The following DKK3 variants were observed in gnomAD, a reference collection of about 807,000 sequenced individuals.
DKK3 encodes the protein dickkopf-related protein 3.
Under a neutral mutation model 33.2 loss-of-function variants are expected in DKK3, and 22 were observed. That is an observed-to-expected ratio of 0.66 (90% CI 0.47 to 0.95). The LOEUF is 0.95. Among genes scored for constraint, DKK3 ranks in the 40% least tolerant of loss-of-function variants. DKK3 has a pLI of 0.00. For missense variants in DKK3, 398 were observed against 458.4 expected, an observed-to-expected ratio of 0.87 and a Z score of 1.20; for synonymous variants, 194 against 188.8, an observed-to-expected ratio of 1.03 and a Z score of -0.23.
At chr11:11,988,562 T>A (rs1848119408) in intron 3 of DKK3, among the ~76,000 whole-genome samples, 2 of 152,058 alleles carry the variant, frequency 1.3e-5, no homozygotes, top group Non-Finnish European at 2.9e-5. Context: ...TAAACAACCA[T>A]CATCACCACA....
upstream of DKK3, chr11:12,008,702 C>T (rs1178951152): frequency 3.4e-6 from 4 of 1,183,954 alleles, no homozygotes; most frequent in Admixed American, 9.5e-5. This position sits in a 1 kb window ranked among gnomAD's most constrained non-coding sequence, Gnocchi z 4.6. Context: ...CCGCCCCTGG[C>T]GCCCCTCTTT....
Position 11,967,357 on chromosome 11 carries a change from A to G in DKK3, c.529-259T>C, listed in dbSNP as rs149144993. On this transcript the variant is annotated intron_variant, in intron 4 of 6. Coordinates refer to ENST00000683431, the MANE Select transcript of DKK3 (RefSeq NM_001018057.2). ...CTTTCTCCACAGCTTAAGATTTTGCAAAGAACAGCAGGGGGTCTTTGTGGT... is the reference window on the plus strand; with the variant it reads ...CTTTCTCCACAGCTTAAGATTTTGCGAAGAACAGCAGGGGGTCTTTGTGGT... 5.9e-5 allele frequency among the ~76,000 whole-genome samples: 9 copies of G among 152,350 alleles called. No homozygotes were observed. In the East Asian group the frequency reaches 1.7e-3, roughly 29 times the overall value.
At chr11:11,970,277 A>G (rs962420658) in intron 3 of DKK3, among the ~76,000 whole-genome samples, 7 of 152,198 alleles carry the variant, frequency 4.6e-5, no homozygotes, top group African/African-American at 1.7e-4. Context: ...TCAATTGGAA[A>G]AAGAGAGAGA....
At position 11,968,353 on chromosome 11, in the gene DKK3, G is replaced by A. The variant is rs769205777; in HGVS notation, c.528+42C>T. On this transcript the variant is annotated intron_variant, in intron 4 of 6. Transcript: ENST00000683431. The stretch of plus-strand genomic sequence containing the variant: ...CCCTGGCTTTCTCCCCCAGGTGCCT[G>A]AGACCCTGGTGCCACAGCCCCAGAG... 2.2e-5 allele frequency: 34 copies of A among 1,573,882 alleles called. 1 individual carries two copies. The highest frequency in any genetic ancestry group is 1.2e-4 in the Admixed American group (7 of 57,008).
At chr11:11,985,506 C>T (rs2135053510) in intron 3 of DKK3, among the ~76,000 whole-genome samples, 1 of 152,326 alleles carries the variant, frequency 6.6e-6, no homozygotes, top group South Asian at 2.1e-4. Flanking sequence ...TGGCATGTAC[C>T]AGACATTCCA....
rs2291598 is a variant in DKK3, at chr11:11,965,933, C to G, written c.706G>C (p.Val236Leu). Residue 236 changes from valine to leucine, a missense_variant, in exon 6 of 7, where the codon GTG becomes CTG. Physicochemically the swap from Val to Leu is conservative, Grantham distance 32. Transcript: ENST00000683431. ...LLFPVCTPLP[V>L]EGELCHDPAS... ...GGGTCATGGCAAAGCTCGCCCTCCACGGGCAGGGGTGTGCACACAGGGAAC... is the reference window on the plus strand; with the variant it reads ...GGGTCATGGCAAAGCTCGCCCTCCAGGGGCAGGGGTGTGCACACAGGGAAC... 6.2e-7 allele frequency: 1 copy of G among 1,613,474 alleles called. No homozygotes were observed. The highest frequency in any genetic ancestry group is 8.5e-7 in the Non-Finnish European group (1 of 1,179,960).
chr11:11,986,479 A>G (rs1230126361), intron 3 of DKK3, among the ~76,000 whole-genome samples: 1 of 152,138 alleles, frequency 6.6e-6, no homozygotes, highest in African/African-American at 2.4e-5. Context: ...CCCTGAGCCC[A>G]AGGAGCTCTG....
At chr11:11,967,174 C>A (rs538907567) in intron 4 of DKK3, 76 bp from the exon 5 acceptor site, 3 of 1,548,780 alleles carry the variant, frequency 1.9e-6, no homozygotes, top group Non-Finnish European at 2.6e-6. Context: ...CCTGAAGATA[C>A]CACAGATAGG....
At chr11:11,988,050 G>T (rs890898775) in intron 3 of DKK3, among the ~76,000 whole-genome samples, 3 of 152,172 alleles carry the variant, frequency 2.0e-5, no homozygotes, top group Admixed American at 6.5e-5. Context: ...TCTTTTCACA[G>T]AGCAGCAACC....
intron 2 of DKK3, among the ~76,000 whole-genome samples, chr11:11,999,339 G>C (rs1226634079): frequency 6.6e-6 from 1 of 152,150 alleles, no homozygotes; most frequent in East Asian, 1.9e-4. Context: ...GCATCTCAAA[G>C]CTAAGTCTAA....
chr11:11,968,349 G>T (rs1303945299), intron 4 of DKK3, 46 bp downstream of exon 4: 4 of 1,558,744 alleles, frequency 2.6e-6, no homozygotes, highest in Non-Finnish European at 3.5e-6. Context: ...TCCCCCAGGT[G>T]CCTGAGACCC....
At position 11,964,509 on chromosome 11, in the gene DKK3, C is replaced by T. The variant is rs1410050673; in HGVS notation, c.1008G>A (p.Glu336=). The T allele has an allele frequency of 1.9e-6, 3 of 1,613,782 alleles. No individual in the cohort carries two copies. Among genetic ancestry groups the T allele is most frequent in the Non-Finnish European group, 2.5e-6 (3 of 1,180,022 alleles). The change falls in exon 7 of 7, where the codon GAG becomes GAA. Residue 336 remains glutamate (E), a synonymous_variant. Transcript: ENST00000683431. ...RSLTEEMALR[E]PAAAAAALLG... is the part of the protein sequence containing the mutation. ...GCAGTGCAGCGGCGGCAGCCGCAGGCTCCCTCAGCGCCATCTCTTCAGTCA... is the reference window on the plus strand; with the variant it reads ...GCAGTGCAGCGGCGGCAGCCGCAGGTTCCCTCAGCGCCATCTCTTCAGTCA...
At chr11:12,005,837 C>T (rs1375701719) in intron 1 of DKK3, among the ~76,000 whole-genome samples, 1 of 152,100 alleles carries the variant, frequency 6.6e-6, no homozygotes, top group Non-Finnish European at 1.5e-5. Context: ...TACTAATAAC[C>T]ACAGTCTATA....
chr11:11,964,179 G>T lies in DKK3; in HGVS notation c.*285C>A. 2.3e-6 allele frequency: 1 copy of T among 436,188 alleles called. No homozygotes were observed. The highest frequency in any genetic ancestry group is 4.1e-6 in the Non-Finnish European group (1 of 243,744). 27.0% of individuals were successfully genotyped at this position (436,188 alleles called of 1,614,324 possible). On this transcript the variant is annotated 3_prime_UTR_variant, in exon 7 of 7. Coordinates refer to ENST00000683431, the MANE Select transcript of DKK3 (RefSeq NM_001018057.2). ...TCAAAGCCATGTAGAACAAACGGCT[G>T]TCTGCCAACTGGTAGAGGCAAAGCA...
chr11:11,971,555 A>C (rs1430109571), intron 3 of DKK3, among the ~76,000 whole-genome samples: 5 of 152,236 alleles, frequency 3.3e-5, no homozygotes, highest in Admixed American at 3.3e-4. Context: ...TTTGAGAACT[A>C]GAGCAAAAAA....
At position 11,976,730 on chromosome 11, in the gene DKK3, G is replaced by C. The variant is rs112771213; in HGVS notation, c.436-8243C>G. ...TCCACAAGGCTGGCCCTGGCACAAG[G>C]TGACTGGAGGATTAGCAACAGTGCC... On this transcript the variant is annotated intron_variant, in intron 3 of 6. Coordinates refer to ENST00000683431, the MANE Select transcript of DKK3 (RefSeq NM_001018057.2). Among the ~76,000 whole-genome samples, 303 of 152,352 alleles carry C rather than the reference G, an allele frequency of 2.0e-3. 4 individuals carry two copies. The South Asian group carries it at 0.026, about 13-fold the overall frequency.
chr11:11,997,750 C>T (rs1332298637), intron 3 of DKK3, among the ~76,000 whole-genome samples: 2 of 152,100 alleles, frequency 1.3e-5, no homozygotes, highest in East Asian at 1.9e-4. Flanking sequence ...GGCCAGCTCC[C>T]GACATTTGAG....
chr11:11,966,092 G>T, intron 5 of DKK3, 127 bp from the exon 6 acceptor site: 1 of 1,155,618 alleles, frequency 8.7e-7, no homozygotes, highest in Non-Finnish European at 1.2e-6. Flanking sequence ...GGCTAGTTTT[G>T]AAGATACGGA....
chr11:11,989,333 T>C (rs1014795993), intron 3 of DKK3, among the ~76,000 whole-genome samples: 1 of 152,178 alleles, frequency 6.6e-6, no homozygotes, highest in Non-Finnish European at 1.5e-5. Flanking sequence ...GACAAATGAA[T>C]GGAGAAACAA....
Sources: allele counts gnomAD v4.1 joint callset (sites outside exome capture counted in the v4.1 genomes callset), GRCh38; gene constraint gnomAD v4.1.1; non-coding constraint Gnocchi (gnomAD v3.1); transcripts MANE v1.5; gene names NCBI Gene and HGNC (gene_info 2026-07-23, HGNC 2026-07-21).